Variants in TMEM178B observed in about 807,000 individuals in gnomAD.
TMEM178B encodes the protein transmembrane protein 178B.
TMEM178B carries 5 observed loss-of-function variants against 31.0 expected under a neutral mutation model. The observed-to-expected ratio is 0.16, with a 90% confidence interval of 0.08 to 0.34. TMEM178B has a LOEUF of 0.34. TMEM178B is among the 10% of genes least tolerant of loss of function. The probability of loss-of-function intolerance (pLI) is 1.00; values close to 1 mark genes in which losing one functional copy is unlikely to be tolerated. For synonymous variants in TMEM178B, 164 were observed against 164.0 expected, an observed-to-expected ratio of 1.00 and a Z score of 0.00; for missense variants, 275 against 400.3, an observed-to-expected ratio of 0.69 and a Z score of 2.67.
intron 2 of TMEM178B, among the ~76,000 whole-genome samples, chr7:141,339,306 C>A (rs1213897187): frequency 1.3e-5 from 2 of 152,142 alleles, no homozygotes; most frequent in Non-Finnish European, 2.9e-5. Flanking sequence ...AGCCACCTCT[C>A]GTCCGCCTCA....
intron 1 of TMEM178B, among the ~76,000 whole-genome samples, chr7:141,176,825 C>T (rs1056666412): frequency 1.4e-4 from 22 of 152,034 alleles, no homozygotes; most frequent in East Asian, 1.9e-4. Context: ...ATTTTTTATG[C>T]GTCTATTTGA....
intron 2 of TMEM178B, among the ~76,000 whole-genome samples, chr7:141,429,356 T>C (rs1365507226): frequency 2.0e-5 from 3 of 147,978 alleles, no homozygotes; most frequent in Non-Finnish European, 4.5e-5. Flanking sequence ...CAATAGAATA[T>C]TATTCAGCCA....
At chr7:141,189,971 C>T (rs946072555) in intron 1 of TMEM178B, among the ~76,000 whole-genome samples, 3 of 152,166 alleles carry the variant, frequency 2.0e-5, no homozygotes, top group African/African-American at 7.2e-5. Context: ...GAAACAGACC[C>T]ATATTCTTTT....
At position 141,323,084 on chromosome 7, in the gene TMEM178B, G is replaced by A. The variant is rs116515396; in HGVS notation, c.496+110380G>A. ...GCTTCTGGAAGGTTGAACTGAAATG[G>A]TTTGAATGCTGCTTTTCACAGAATG... is the stretch of plus-strand genomic sequence containing the variant. On this transcript the variant is annotated intron_variant, in intron 2 of 3. Coordinates refer to ENST00000565468, the MANE Select transcript of TMEM178B (RefSeq NM_001195278.2). Among the ~76,000 whole-genome samples, 438 of 152,318 alleles carry A rather than the reference G, an allele frequency of 2.9e-3. 7 individuals carry two copies. Among genetic ancestry groups the A allele is most frequent in the African/African-American group, 9.7e-3 (402 of 41,574 alleles).
intron 2 of TMEM178B, among the ~76,000 whole-genome samples, chr7:141,278,525 G>A (rs1447555112): frequency 2.5e-5 from 3 of 119,848 alleles, no homozygotes; most frequent in Admixed American, 8.6e-5. Flanking sequence ...GGAGGTTGTA[G>A]CGAGCCAAGA....
the TMEM178B span, among the ~76,000 whole-genome samples, chr7:141,502,639 G>T: frequency 1.3e-5 from 2 of 152,136 alleles, no homozygotes; most frequent in African/African-American, 4.8e-5. Context: ...GCATGGTAGT[G>T]CATGCCTGTA....
chr7:141,384,025 A>C (rs527999619), intron 2 of TMEM178B, among the ~76,000 whole-genome samples: 1 of 152,268 alleles, frequency 6.6e-6, no homozygotes, highest in South Asian at 2.1e-4. Flanking sequence ...TCTTTTGAGA[A>C]GTGTCTGTTC....
At chr7:141,159,459 C>G (rs1272862903) in intron 1 of TMEM178B, among the ~76,000 whole-genome samples, 1 of 152,182 alleles carries the variant, frequency 6.6e-6, no homozygotes, top group Non-Finnish European at 1.5e-5. Flanking sequence ...CATACACCCC[C>G]CAGAATTGAA....
At chr7:141,372,789 A>G (rs530880573) in intron 2 of TMEM178B, among the ~76,000 whole-genome samples, 165 of 152,214 alleles carry the variant, frequency 1.1e-3, no homozygotes, top group African/African-American at 3.7e-3. Flanking sequence ...TCTTCCGTAA[A>G]TATAAGAACT....
At chr7:141,468,677 G>A (rs939600095) in intron 3 of TMEM178B, among the ~76,000 whole-genome samples, 3 of 152,092 alleles carry the variant, frequency 2.0e-5, no homozygotes, top group South Asian at 2.1e-4. Context: ...GTAATTATCC[G>A]ACATTTGTCA....
intron 2 of TMEM178B, among the ~76,000 whole-genome samples, chr7:141,269,824 G>C (rs893379661): frequency 1.3e-5 from 2 of 152,276 alleles, no homozygotes; most frequent in Admixed American, 1.3e-4. Context: ...CAGCACTTTG[G>C]GAGGCCAAGG....
intron 1 of TMEM178B, among the ~76,000 whole-genome samples, chr7:141,143,353 T>TA (rs1795804860): frequency 6.6e-6 from 1 of 152,246 alleles, no homozygotes; most frequent in Non-Finnish European, 1.5e-5. Context: ...TTTGAAGTCT[T>TA]ACATTTAAAT....
Position 141,100,099 on chromosome 7 carries a change from G to A in TMEM178B, c.382+25407G>A, listed in dbSNP as rs551536387. Among the ~76,000 whole-genome samples the A allele has an allele frequency of 1.2e-3, 177 of 152,234 alleles. 3 individuals carry two copies. The highest frequency in any genetic ancestry group is 0.01 in the South Asian group (50 of 4,822). On this transcript the variant is annotated intron_variant, in intron 1 of 3. Transcript: ENST00000565468. ...CTCCCAAAGTGCTGGGATTACAGGC[G>A]TGAGCCACTGCGCCCGACCAAAATG...
chr7:141,091,947 C>A (rs1401888747), intron 1 of TMEM178B, among the ~76,000 whole-genome samples: 3 of 152,240 alleles, frequency 2.0e-5, no homozygotes, highest in Admixed American at 1.3e-4. Context: ...AGACTGGCCT[C>A]GAACTCCTGA....
intron 1 of TMEM178B, among the ~76,000 whole-genome samples, chr7:141,211,966 A>G (rs1252596924): frequency 6.6e-6 from 1 of 152,220 alleles, no homozygotes; most frequent in Non-Finnish European, 1.5e-5. Flanking sequence ...TCTAAATTTG[A>G]CAATCTAAGA....
chr7:141,345,283 T>C (rs1190783511), intron 2 of TMEM178B, among the ~76,000 whole-genome samples: 4 of 152,092 alleles, frequency 2.6e-5, no homozygotes, highest in Admixed American at 1.3e-4. Flanking sequence ...AACTTACAAA[T>C]AAAGTTAGAG....
chr7:141,170,417 T>A (rs1056550142), intron 1 of TMEM178B, among the ~76,000 whole-genome samples: 1 of 152,170 alleles, frequency 6.6e-6, no homozygotes, highest in Non-Finnish European at 1.5e-5. Flanking sequence ...CTCAGTTTTT[T>A]ATTGAGTGTG....
At chr7:141,165,544 A>G (rs1005264331) in intron 1 of TMEM178B, among the ~76,000 whole-genome samples, 1 of 152,142 alleles carries the variant, frequency 6.6e-6, no homozygotes, top group Non-Finnish European at 1.5e-5. Context: ...CTGTCTAGTT[A>G]TTTTATTTCC....
At position 141,355,877 on chromosome 7, in the gene TMEM178B, C is replaced by T. The variant is rs564631759; in HGVS notation, c.497-81731C>T. On this transcript the variant is annotated intron_variant, in intron 2 of 3. Coordinates refer to ENST00000565468, the MANE Select transcript of TMEM178B (RefSeq NM_001195278.2). ...TTTCCCAACTCCCTCTTTCTCTCCCCACTCTAGTAGTCACATTGTCTATTG... is the reference window on the plus strand; with the variant it reads ...TTTCCCAACTCCCTCTTTCTCTCCCTACTCTAGTAGTCACATTGTCTATTG... 1.5e-3 allele frequency among the ~76,000 whole-genome samples: 226 copies of T among 152,306 alleles called. 1 individual carries two copies. Among genetic ancestry groups the T allele is most frequent in the African/African-American group, 5.2e-3 (217 of 41,568 alleles).
Sources: allele counts gnomAD v4.1 joint callset (sites outside exome capture counted in the v4.1 genomes callset), GRCh38; gene constraint gnomAD v4.1.1; transcripts MANE v1.5; gene names NCBI Gene and HGNC (gene_info 2026-07-23, HGNC 2026-07-21).